CECR2: variants seen among roughly 807,000 people sequenced by gnomAD.
CECR2 encodes the protein CECR2 histone acetyl-lysine reader, also known as chromatin remodeling regulator CECR2.
A neutral mutation model predicts 154.5 loss-of-function variants in CECR2; 30 were observed. That is an observed-to-expected ratio of 0.19 (90% confidence interval 0.15 to 0.26). The LOEUF is 0.26. Among genes scored for constraint, CECR2 ranks in the 10% least tolerant of loss-of-function variants. CECR2 has a pLI of 1.00. For synonymous variants in CECR2, 725 were observed against 683.7 expected (o/e 1.06, Z -0.94); for missense variants, 1,743 against 1,829.3 (o/e 0.95, Z 0.86).
At chr22:17,551,526 T>A (rs2056707980) in intron 17 of CECR2, among the ~76,000 whole-genome samples, 1 of 151,870 alleles carries the variant, frequency 6.6e-6, no homozygotes, top group East Asian at 1.9e-4. Flanking sequence ...GATGAAACTC[T>A]TGTGCCAGGT....
chr22:17,516,334 A>C (rs561371567), intron 8 of CECR2, among the ~76,000 whole-genome samples: 1 of 152,260 alleles, frequency 6.6e-6, no homozygotes, highest in East Asian at 1.9e-4. Flanking sequence ...ATGTATGTAC[A>C]TGCACCTGTG....
intron 17 of CECR2, among the ~76,000 whole-genome samples, chr22:17,550,842 T>C (rs1331269802): frequency 1.3e-5 from 2 of 151,986 alleles, no homozygotes; most frequent in Non-Finnish European, 2.9e-5. Context: ...CTCGGGAGGC[T>C]GAGGCAGGAG....
In CECR2 at chr22:17,538,976, T is replaced by A; in HGVS notation, c.1369-17T>A. 1 of 1,610,908 alleles carries A rather than the reference T, an allele frequency of 6.2e-7. No homozygotes were observed. The highest frequency in any genetic ancestry group is 8.5e-7 in the Non-Finnish European group (1 of 1,178,292). On this transcript the variant is annotated splice_polypyrimidine_tract_variant and intron_variant, in intron 12 of 18. Transcript: ENST00000262608. Reference sequence around the variant, plus strand: ...CTCAGCATATTTTAACTATAAAGAGTTATGTGTCTCGTTTAGGCCCCCATG... The same window carrying A: ...CTCAGCATATTTTAACTATAAAGAGATATGTGTCTCGTTTAGGCCCCCATG...
intron 7 of CECR2, among the ~76,000 whole-genome samples, chr22:17,511,087 G>C (rs774152872): frequency 1.3e-5 from 2 of 152,284 alleles, no homozygotes; most frequent in South Asian, 4.1e-4. Flanking sequence ...GGAAGTCACG[G>C]AAGTTATGTT....
intron 1 of CECR2, among the ~76,000 whole-genome samples, chr22:17,460,848 T>A (rs896967516): frequency 6.6e-6 from 1 of 152,190 alleles, no homozygotes; most frequent in African/African-American, 2.4e-5. Context: ...GGAAATCTCT[T>A]ATGTTTATAT....
chr22:17,505,343 A>T (rs549674575), intron 7 of CECR2, among the ~76,000 whole-genome samples: 1 of 151,716 alleles, frequency 6.6e-6, no homozygotes, highest in East Asian at 1.9e-4. Flanking sequence ...AATGCTTTAA[A>T]AAAAAAAAAA....
At chr22:17,371,437 G>A (rs1435899264) in intron 1 of CECR2, among the ~76,000 whole-genome samples, 1 of 152,168 alleles carries the variant, frequency 6.6e-6, no homozygotes, top group Non-Finnish European at 1.5e-5. Context: ...AATGTAGCAA[G>A]CATAATTTTA....
intron 9 of CECR2, among the ~76,000 whole-genome samples, chr22:17,533,381 GC>G (rs2056389222): frequency 6.6e-6 from 1 of 151,262 alleles, no homozygotes; most frequent in Non-Finnish European, 1.5e-5. Flanking sequence ...TACAATCCCA[GC>G]ACCGTGGGAG....
chr22:17,548,893 C>T lies in CECR2; in HGVS notation c.3606C>T (p.Tyr1202=). The part of the protein sequence containing the change: ...PSYHHYQRTP[Y]YACPQSFSDW... ...ACCACCACTATCAGCGAACTCCTTA[C>T]TATGCCTGTCCACAGAGCTTTTCTG... The change falls in exon 17 of 19, where the codon TAC becomes TAT. Residue 1202 remains tyrosine, a synonymous_variant. Transcript: ENST00000262608. 1.2e-6 allele frequency: 2 copies of T among 1,613,390 alleles called. No individual in the cohort carries two copies. Among genetic ancestry groups the T allele is most frequent in the South Asian group, 2.2e-5 (2 of 91,004 alleles).
At chr22:17,544,460 T>A (rs1384142118) in intron 16 of CECR2, among the ~76,000 whole-genome samples, 1 of 135,540 alleles carries the variant, frequency 7.4e-6, no homozygotes, top group African/African-American at 2.9e-5. Context: ...ATTGTGCCAC[T>A]GCACTCCGGC....
intron 8 of CECR2, among the ~76,000 whole-genome samples, chr22:17,515,520 G>A (rs543693444): frequency 4.1e-4 from 62 of 152,264 alleles, no homozygotes; most frequent in Non-Finnish European, 7.5e-4. Context: ...ATTGCATATT[G>A]AGCATTATAT....
intron 1 of CECR2, among the ~76,000 whole-genome samples, chr22:17,391,034 A>G (rs2063320379): frequency 6.6e-6 from 1 of 152,226 alleles, no homozygotes; most frequent in South Asian, 2.1e-4. Context: ...CACTTTTGCC[A>G]CATTGGCTGA....
intron 1 of CECR2, among the ~76,000 whole-genome samples, chr22:17,449,190 C>T (rs2054726087): frequency 6.6e-6 from 1 of 151,902 alleles, no homozygotes; most frequent in African/African-American, 2.4e-5. Context: ...CTTTTATCCC[C>T]CATTTAAATG....
chr22:17,504,416 CTTATT>C (rs1049079076), intron 6 of CECR2, among the ~76,000 whole-genome samples: 2 of 150,840 alleles, frequency 1.3e-5, no homozygotes, highest in African/African-American at 4.9e-5. Context: ...TTTTGAGTTC[CTTATT>C]TTATTTTTTT....
chr22:17,429,477 G>A (rs988135188), intron 1 of CECR2, among the ~76,000 whole-genome samples: 3 of 149,116 alleles, frequency 2.0e-5, no homozygotes, highest in African/African-American at 5.0e-5. Flanking sequence ...CGAGGTAGTC[G>A]GATCGCTTGA....
intron 8 of CECR2, among the ~76,000 whole-genome samples, chr22:17,513,414 A>G (rs1569133892): frequency 1.3e-5 from 2 of 152,318 alleles, no homozygotes; most frequent in South Asian, 2.1e-4. Context: ...TGGATCTTAA[A>G]TTTGAGTGAC....
At chr22:17,472,863 T>C (rs1332919927) in intron 1 of CECR2, among the ~76,000 whole-genome samples, 2 of 152,150 alleles carry the variant, frequency 1.3e-5, no homozygotes, top group Non-Finnish European at 2.9e-5. Flanking sequence ...CTGTCTCCAG[T>C]CTGGAAATTA....
intron 1 of CECR2, among the ~76,000 whole-genome samples, chr22:17,411,764 G>T (rs973805117): frequency 6.6e-6 from 1 of 152,014 alleles, no homozygotes; most frequent in African/African-American, 2.4e-5. Flanking sequence ...GAAGCAAAAA[G>T]AAAATAATTA....
intron 9 of CECR2, among the ~76,000 whole-genome samples, chr22:17,530,985 G>A (rs982331097): frequency 6.6e-6 from 1 of 152,156 alleles, no homozygotes; most frequent in African/African-American, 2.4e-5. Context: ...GGATACCGGT[G>A]ATGGCGCCAC....
Sources: gnomAD v4.1 joint callset for allele counts (sites outside exome capture counted in the v4.1 genomes callset) on GRCh38, gnomAD v4.1.1 for gene constraint, MANE v1.5 for transcripts, NCBI Gene and HGNC (gene_info 2026-07-23, HGNC 2026-07-21) for gene names.